SLC23A1: variants seen among roughly 807,000 people sequenced by gnomAD.
SLC23A1 encodes the protein solute carrier family 23 member 1.
A neutral mutation model predicts 62.5 loss-of-function variants in SLC23A1; 31 were observed. The ratio of observed to expected loss-of-function variants is 0.50; its 90% CI spans 0.37 to 0.67. The LOEUF is 0.67. SLC23A1 is among the 30% of genes least tolerant of loss of function. The pLI is 0.00. For synonymous variants in SLC23A1, 271 were observed against 313.2 expected, an observed-to-expected ratio of 0.87 and a Z score of 1.42; for missense variants, 640 against 782.7, an observed-to-expected ratio of 0.82 and a Z score of 2.18.
Position 139,379,363 on chromosome 5 carries a change from G to C in SLC23A1, c.926-9C>G. ...GGGCAGGCCCCACTGACCTGTGCTC[G>C]GAGGGAGACAGGATGGTGGCTACAG... On this transcript the variant is annotated splice_polypyrimidine_tract_variant and intron_variant, in intron 8 of 14. Coordinates refer to ENST00000348729, the MANE Select transcript of SLC23A1 (RefSeq NM_005847.5). The surrounding 1 kb of genome is among the most constrained non-coding windows in gnomAD (Gnocchi z 4.7). 6.2e-7 allele frequency: 1 copy of C among 1,613,546 alleles called. No homozygotes were observed. The highest frequency in any genetic ancestry group is 1.1e-5 in the South Asian group (1 of 91,054).
At chr5:139,383,472 C>T (rs115505418), upstream of SLC23A1, 394 of 770,564 alleles carry the variant, frequency 5.1e-4, no homozygotes, top group African/African-American at 7.1e-3. Context: ...ATGTGCCCTT[C>T]CCTGCCCACA....
upstream of SLC23A1, among the ~76,000 whole-genome samples, chr5:139,383,966 G>A (rs538430343): frequency 5.9e-5 from 9 of 152,300 alleles, no homozygotes; most frequent in African/African-American, 1.4e-4. Flanking sequence ...TGGCCCAGCC[G>A]GGTCTGCACT....
Position 139,379,488 on chromosome 5 carries a change from G to A in SLC23A1, c.926-134C>T, listed in dbSNP as rs1285919530. The A allele has an allele frequency of 2.9e-6, 3 of 1,042,112 alleles. No individual in the cohort carries two copies. The highest frequency in any genetic ancestry group is 4.4e-6 in the Non-Finnish European group (3 of 682,532). The allele number at this position is 1,042,112 out of a possible 1,614,324, so 64.6% of individuals were successfully genotyped here. On this transcript the variant is annotated intron_variant, in intron 8 of 14. Coordinates refer to ENST00000348729, the MANE Select transcript of SLC23A1 (RefSeq NM_005847.5). The surrounding 1 kb of genome is among the most constrained non-coding windows in gnomAD (Gnocchi z 4.7). ...TGGGATGGGAGCTATACAGTTGTGG[G>A]AGCTTATTTGAGTCACTCAGAGCCA... is the stretch of plus-strand genomic sequence containing the variant.
chr5:139,373,787 T>C (rs1217708731), intron 13 of SLC23A1, among the ~76,000 whole-genome samples: 1 of 152,208 alleles, frequency 6.6e-6, no homozygotes, highest in African/African-American at 2.4e-5. Context: ...GAAACCTTGA[T>C]TGGGCTTGGC....
Position 139,372,253 on chromosome 5 carries a change from C to T in SLC23A1, c.1550G>A (p.Gly517Glu). The change falls in exon 14 of 15, where the codon GGG becomes GAG. Residue 517 changes from glycine (G) to glutamate (E), a missense_variant and splice_region_variant. Transcript: ENST00000348729. ...TATCAGACCACGCTCCTCTGGGCTC[C>T]CTGGAAGAGGATAGTGAGGTCATTT... is the stretch of plus-strand genomic sequence containing the variant. ...LAFILDNTVPGSPEERGLIQW... is the reference protein window; with the variant it reads ...LAFILDNTVPESPEERGLIQW... The T allele has an allele frequency of 6.2e-7, 1 of 1,612,238 alleles. No homozygotes were observed. The highest frequency in any genetic ancestry group is 8.5e-7 in the Non-Finnish European group (1 of 1,178,976).
In SLC23A1 at chr5:139,367,318, T is replaced by G. The variant is rs1285144953; in HGVS notation, c.*333A>C. On this transcript the variant is annotated 3_prime_UTR_variant, in exon 15 of 15. Coordinates refer to ENST00000348729, the MANE Select transcript of SLC23A1 (RefSeq NM_005847.5). ...GCCCTGGAACCTGCCCTCATTTCTT[T>G]TTATTTTTTTCAACTTGCAGTCTAA... is the stretch of plus-strand genomic sequence containing the variant. The G allele has an allele frequency of 6.6e-6, 1 of 152,200 alleles. No individual in the cohort carries two copies. The highest frequency in any genetic ancestry group is 2.4e-5 in the African/African-American group (1 of 41,446). The allele number at this position is 152,200 out of a possible 1,614,324, so 9.4% of individuals were successfully genotyped here. A position where few individuals can be genotyped will look rare whatever the true frequency, so the allele number is the denominator to read the frequency against.
At position 139,378,902 on chromosome 5, in the gene SLC23A1, A is replaced by G. The variant is rs530493978; in HGVS notation, c.1074-218T>C. Among the ~76,000 whole-genome samples the G allele has an allele frequency of 6.6e-6, 1 of 152,232 alleles. No individual in the cohort carries two copies. Among genetic ancestry groups the G allele is most frequent in the Admixed American group, 6.5e-5 (1 of 15,288 alleles). On this transcript the variant is annotated intron_variant, in intron 9 of 14. Transcript: ENST00000348729. This position sits in a 1 kb window ranked among gnomAD's most constrained non-coding sequence, Gnocchi z 4.5. ...TTCTGGCCTTCAATTTCCTCCTGGG[A>G]TAAATACCGGTGCCCGTCTCACAAA...
chr5:139,383,569 G>A (rs535926047), upstream of SLC23A1, among the ~76,000 whole-genome samples: 285 of 152,274 alleles, frequency 1.9e-3, 1 homozygote, highest in African/African-American at 6.5e-3. Context: ...CCAAGCCCCA[G>A]GTGAGCGGAG....
intron 2 of SLC23A1, 65 bp downstream of exon 2, chr5:139,382,427 C>A: frequency 1.1e-6 from 1 of 905,004 alleles, no homozygotes; most frequent in Non-Finnish European, 1.8e-6. Context: ...CCCTGCTGGC[C>A]AGGGAGGGGC....
chr5:139,379,869 T>C lies in SLC23A1; in HGVS notation c.769-35A>G. 1 of 1,613,992 alleles carries C rather than the reference T, an allele frequency of 6.2e-7. No homozygotes were observed. Among genetic ancestry groups the C allele is most frequent in the African/African-American group, 1.3e-5 (1 of 75,026 alleles). ...GGGGGTGAGGGGGCACTGAAGGCAC[T>C]GGAGGTCTCTGTCCAGGCTAACCTG... is the stretch of plus-strand genomic sequence containing the variant. On this transcript the variant is annotated intron_variant, in intron 7 of 14. Transcript: ENST00000348729. The surrounding 1 kb of genome is among the most constrained non-coding windows in gnomAD (Gnocchi z 4.7).
intron 2 of SLC23A1, 112 bp from the exon 3 acceptor site, chr5:139,382,161 C>T (rs537435962): frequency 9.1e-7 from 1 of 1,101,820 alleles, no homozygotes; most frequent in Non-Finnish European, 1.3e-6. Flanking sequence ...CGGCTGCCTG[C>T]CCAGGACTGG....
chr5:139,378,560 C>T lies in SLC23A1; in HGVS notation c.1179+19G>A. The T allele has an allele frequency of 6.4e-7, 1 of 1,555,822 alleles. No individual in the cohort carries two copies. The highest frequency in any genetic ancestry group is 1.2e-5 in the South Asian group (1 of 84,890). On this transcript the variant is annotated intron_variant, in intron 10 of 14. Coordinates refer to ENST00000348729, the MANE Select transcript of SLC23A1 (RefSeq NM_005847.5). This position sits in a 1 kb window ranked among gnomAD's most constrained non-coding sequence, Gnocchi z 4.5. ...CCCACGGAATTAGGGCAGGATTTGG[C>T]TCTGGCTCGTCGCGACACCTTGGTA...
At chr5:139,372,371 G>T in intron 13 of SLC23A1, 118 bp from the exon 14 acceptor site, 1 of 1,011,192 alleles carries the variant, frequency 9.9e-7, no homozygotes, top group Non-Finnish European at 1.4e-6. Context: ...ACTATCATTT[G>T]GTCCTAAAAC....
chr5:139,368,634 C>CT (rs1212388108), intron 14 of SLC23A1: 27,858 of 612,486 alleles, frequency 0.045, 29 homozygotes, highest in South Asian at 0.055. Context: ...GTTCTTTTGT[C>CT]TTTTTTTTTT....
At position 139,382,065 on chromosome 5, in the gene SLC23A1, C is replaced by G. The variant is rs533767261; in HGVS notation, c.151-16G>C. ...TCAGGTAGTGCTGGGCAGAGGGAGA[C>G]AGCAGAGTGCATGAGGCAGGACCCC... On this transcript the variant is annotated splice_polypyrimidine_tract_variant and intron_variant, in intron 2 of 14. Transcript: ENST00000348729. 1.4e-5 allele frequency: 22 copies of G among 1,601,926 alleles called. No homozygotes were observed. The East Asian group carries it at 4.5e-4, about 33-fold the overall frequency.
rs376928561 is a variant in SLC23A1, at chr5:139,376,360, G to A, written c.1549+1042C>T. On this transcript the variant is annotated intron_variant, in intron 13 of 14. Transcript: ENST00000348729. The stretch of plus-strand genomic sequence containing the variant: ...AATTTTTGCATTTTTAGTAGAGATG[G>A]GGTTTCACCATGTTGGCCAGGCTTG... Among the ~76,000 whole-genome samples the A allele has an allele frequency of 2.7e-3, 410 of 151,932 alleles. 1 individual carries two copies. The highest frequency in any genetic ancestry group is 9.2e-3 in the African/African-American group (382 of 41,418).
At chr5:139,383,313 A>G, upstream of SLC23A1, 1 of 1,597,356 alleles carries the variant, frequency 6.3e-7, no homozygotes, top group East Asian at 2.3e-5. Flanking sequence ...GACAAAGGCC[A>G]AGGAGGAGGA....
intron 13 of SLC23A1, among the ~76,000 whole-genome samples, chr5:139,374,049 A>T (rs995029932): frequency 2.6e-5 from 4 of 152,016 alleles, no homozygotes; most frequent in Non-Finnish European, 5.9e-5. Flanking sequence ...CCCTCCCAAT[A>T]ACTCCAGCCC....
upstream of SLC23A1, among the ~76,000 whole-genome samples, chr5:139,385,550 G>A (rs781417785): frequency 1.4e-4 from 22 of 152,198 alleles, no homozygotes; most frequent in Non-Finnish European, 2.4e-4. Flanking sequence ...AAGGTGGCCT[G>A]CGTGCACAGT....
Sources: gnomAD v4.1 joint callset for allele counts (sites outside exome capture counted in the v4.1 genomes callset) on GRCh38, gnomAD v4.1.1 for gene constraint, Gnocchi (gnomAD v3.1) non-coding constraint, MANE v1.5 for transcripts, NCBI Gene and HGNC (gene_info 2026-07-23, HGNC 2026-07-21) for gene names.